Variants in TTC9C observed in about 807,000 individuals in gnomAD.
The protein encoded by TTC9C is tetratricopeptide repeat domain 9C, also known as tetratricopeptide repeat protein 9C.
Under a neutral mutation model 22.5 loss-of-function variants are expected in TTC9C, and 15 were observed. The ratio of observed to expected loss-of-function variants is 0.67; its 90% CI spans 0.45 to 1.03. The LOEUF is 1.03. TTC9C is among the 50% of genes least tolerant of loss of function. The pLI is 0.00. For missense variants in TTC9C, 244 were observed against 214.6 expected (o/e 1.14, Z -0.86); for synonymous variants, 92 against 86.8 (o/e 1.06, Z -0.33).
At chr11:62,733,981 G>C (rs2083881670) in intron 1 of TTC9C, among the ~76,000 whole-genome samples, 1 of 151,664 alleles carries the variant, frequency 6.6e-6, no homozygotes, top group South Asian at 2.1e-4. Context: ...GACAGAGCGA[G>C]ACCTCCATCT....
intron 1 of TTC9C, among the ~76,000 whole-genome samples, chr11:62,733,926 A>T (rs543228776): frequency 1.3e-5 from 2 of 152,222 alleles, no homozygotes; most frequent in South Asian, 4.1e-4. Flanking sequence ...TGGGAGGCAG[A>T]GGTTGCGATG....
chr11:62,736,274 G>T (rs1476543944), intron 2 of TTC9C: 1 of 150,902 alleles, frequency 6.6e-6, no homozygotes, highest in African/African-American at 2.4e-5. Context: ...GGGTACGGTG[G>T]CTTACACTTG....
At chr11:62,729,474 C>T (rs547252393) in intron 1 of TTC9C, among the ~76,000 whole-genome samples, 1 of 151,712 alleles carries the variant, frequency 6.6e-6, no homozygotes, top group African/African-American at 2.4e-5. Flanking sequence ...TCTGGGCTCA[C>T]TGCAGCCTCC....
chr11:62,735,229 G>C (rs2083896817), intron 1 of TTC9C, among the ~76,000 whole-genome samples, 153 bp from the exon 2 acceptor site: 1 of 152,214 alleles, frequency 6.6e-6, no homozygotes, highest in Non-Finnish European at 1.5e-5. Flanking sequence ...TGCATCCCCA[G>C]TGTGTAGAAG....
chr11:62,729,010 T>G lies in TTC9C; in HGVS notation c.162T>G (p.Pro54=). ...SLPSPLPNLG[P]QGPALTPEQE... ...CCTCTCCGTTACCTAATCTCGGACC[T>G]CAGGGCCCGGCCCTCACGCCTGAAC... Residue 54 remains proline, a synonymous_variant, in exon 1 of 3, where the codon CCT becomes CCG. Coordinates refer to ENST00000316461, the MANE Select transcript of TTC9C (RefSeq NM_173810.4). 6.2e-7 allele frequency: 1 copy of G among 1,614,078 alleles called. No individual in the cohort carries two copies.
intron 1 of TTC9C, chr11:62,733,040 CT>C: frequency 1.2e-6 from 1 of 812,932 alleles, no homozygotes; most frequent in African/African-American, 1.8e-5. Flanking sequence ...AGCACAGGCC[CT>C]TTAATGTGCT....
intron 2 of TTC9C, among the ~76,000 whole-genome samples, chr11:62,736,484 GGAGATC>G (rs2083914260): frequency 6.6e-6 from 1 of 151,738 alleles, no homozygotes; most frequent in South Asian, 2.1e-4. Context: ...TACGAGGTCA[GGAGATC>G]GAGACCATCC....
chr11:62,732,401 G>A (rs1211798338), intron 1 of TTC9C, among the ~76,000 whole-genome samples: 1 of 151,964 alleles, frequency 6.6e-6, no homozygotes. Context: ...CTGAGGTCAG[G>A]AGTTCAAGAC....
chr11:62,732,287 G>A (rs1000553131), intron 1 of TTC9C, among the ~76,000 whole-genome samples: 6 of 152,006 alleles, frequency 3.9e-5, no homozygotes, highest in African/African-American at 9.7e-5. Flanking sequence ...GAGCCACTGC[G>A]TCCAGCCTCT....
intron 2 of TTC9C, chr11:62,735,786 G>T: frequency 1.5e-6 from 1 of 666,804 alleles, no homozygotes; most frequent in South Asian, 2.7e-5. Flanking sequence ...TCATGTGTAG[G>T]GGGTTGATGC....
At chr11:62,728,391 T>C (rs2083789099), upstream of TTC9C, 1 of 383,982 alleles carries the variant, frequency 2.6e-6, no homozygotes, top group Non-Finnish European at 5.1e-6. Flanking sequence ...AGAGTTAGAA[T>C]TGCTTGAAGC....
rs2083795357 is a variant in TTC9C, at chr11:62,728,600, G to A, written c.-249G>A. The A allele has an allele frequency of 1.6e-6, 1 of 626,458 alleles. No individual in the cohort carries two copies. The highest frequency in any genetic ancestry group is 1.8e-5 in the African/African-American group (1 of 55,594). The allele number at this position is 626,458 out of a possible 1,614,324, so 38.8% of individuals were successfully genotyped here. ...TCTTTAGGAAGTCACTTAATGTTGG[G>A]CTTCATTATTCCCACATCCCTTTCC... On this transcript the variant is annotated 5_prime_UTR_variant, in exon 1 of 3. Coordinates refer to ENST00000316461, the MANE Select transcript of TTC9C (RefSeq NM_173810.4).
intron 1 of TTC9C, among the ~76,000 whole-genome samples, chr11:62,729,369 ATTTTT>A (rs1290550249): frequency 1.5e-5 from 2 of 130,906 alleles, no homozygotes; most frequent in Non-Finnish European, 3.2e-5. Context: ...GCATTTCTTT[ATTTTT>A]TTATTTTATT....
chr11:62,732,592 A>G (rs2083864311), intron 1 of TTC9C, among the ~76,000 whole-genome samples: 1 of 144,004 alleles, frequency 6.9e-6, no homozygotes, highest in Non-Finnish European at 1.5e-5. Context: ...AGCCTGGGCA[A>G]CAAGAGCAAA....
upstream of TTC9C, chr11:62,728,356 A>G (rs971886825): frequency 8.3e-6 from 3 of 362,820 alleles, no homozygotes; most frequent in Non-Finnish European, 1.1e-5. Flanking sequence ...ATTGACGTCA[A>G]CAAATAAATG....
chr11:62,733,253 C>CT (rs1235565776), intron 1 of TTC9C: 1 of 951,068 alleles, frequency 1.1e-6, no homozygotes, highest in African/African-American at 1.8e-5. Flanking sequence ...AAGTTATATG[C>CT]TGTATTGTTA....
At chr11:62,735,282 AT>A in intron 1 of TTC9C, 99 bp from the exon 2 acceptor site, 1 of 1,463,310 alleles carries the variant, frequency 6.8e-7, no homozygotes, top group Non-Finnish European at 9.2e-7. Flanking sequence ...TGTTGACTGA[AT>A]GTTGTTACCA....
chr11:62,731,449 T>C (rs2083848221), intron 1 of TTC9C, among the ~76,000 whole-genome samples: 1 of 151,914 alleles, frequency 6.6e-6, no homozygotes, highest in Non-Finnish European at 1.5e-5. Flanking sequence ...ATACAAAAAT[T>C]AGCCAGGCAT....
At chr11:62,735,265 T>G in intron 1 of TTC9C, 117 bp from the exon 2 acceptor site, 1 of 1,361,730 alleles carries the variant, frequency 7.3e-7, no homozygotes, top group Non-Finnish European at 9.9e-7. Context: ...GGAGACACTT[T>G]AGCATTTGTT....
Sources: allele counts gnomAD v4.1 joint callset (sites outside exome capture counted in the v4.1 genomes callset), GRCh38; gene constraint gnomAD v4.1.1; transcripts MANE v1.5; gene names NCBI Gene and HGNC (gene_info 2026-07-23, HGNC 2026-07-21).